SCFD1: variants seen among roughly 807,000 people sequenced by gnomAD.
SCFD1 encodes sec1 family domain containing 1.
SCFD1 carries 37 observed loss-of-function variants against 103.2 expected under a neutral mutation model. The observed-to-expected ratio is 0.36, with a 90% CI of 0.28 to 0.47. The LOEUF is 0.47. Ranked by LOEUF, SCFD1 falls within the 20% of genes least tolerant of loss-of-function variation. The probability of loss-of-function intolerance (pLI) is 1.00; values close to 1 mark genes in which losing one functional copy is unlikely to be tolerated. For synonymous variants in SCFD1, 264 were observed against 245.0 expected (o/e 1.08, Z -0.73); for missense variants, 639 against 761.2 (o/e 0.84, Z 1.89).
At position 30,721,908 on chromosome 14, in the gene SCFD1, A is replaced by G; in HGVS notation, c.1761A>G (p.Pro587=). ...GCTCAGTTCCCAGAAATAAAAATCC[A>G]TTCCAAGAGGTAAGTTTCATATAAA... ...NDSSVPRNKN[P]FQEAIVFVVG... Residue 587 remains proline (P), a synonymous_variant, in exon 22 of 25, where the codon CCA becomes CCG. Coordinates refer to ENST00000458591, the MANE Select transcript of SCFD1 (RefSeq NM_016106.4). 6.2e-7 allele frequency: 1 copy of G among 1,608,832 alleles called. No homozygotes were observed. The highest frequency in any genetic ancestry group is 8.5e-7 in the Non-Finnish European group (1 of 1,176,194).
In SCFD1 at chr14:30,643,317, C is replaced by G; in HGVS notation, c.525C>G (p.Ala175=). 1 of 1,603,100 alleles carries G rather than the reference C, an allele frequency of 6.2e-7. No homozygotes were observed. Among genetic ancestry groups the G allele is most frequent in the Non-Finnish European group, 8.5e-7 (1 of 1,170,246 alleles). The change falls in exon 7 of 25, where the codon GCC becomes GCG. Residue 175 remains alanine (A), a splice_region_variant and synonymous_variant. Coordinates refer to ENST00000458591, the MANE Select transcript of SCFD1 (RefSeq NM_016106.4). ...TCTCCTTTTCCTATGTCATTTTAGCCATTAACAGGCCAGATATCACAGACA... is the reference window on the plus strand; with the variant it reads ...TCTCCTTTTCCTATGTCATTTTAGCGATTAACAGGCCAGATATCACAGACA... ...NQNKELVSYR[A]INRPDITDTE...
chr14:30,629,187 T>C (rs962069205), intron 2 of SCFD1, among the ~76,000 whole-genome samples: 10 of 152,204 alleles, frequency 6.6e-5, no homozygotes, highest in Non-Finnish European at 1.3e-4. Flanking sequence ...CCATCACTTT[T>C]TATATCATTA....
chr14:30,676,553 G>A (rs2139232833), intron 14 of SCFD1: 1 of 152,316 alleles, frequency 6.6e-6, no homozygotes, highest in Middle Eastern at 3.4e-3. Flanking sequence ...ACAGAAAGGA[G>A]CCAATTAGTG....
In SCFD1 at chr14:30,715,916, T is replaced by A. The variant is rs1892249257; in HGVS notation, c.1630-8T>A. 2.0e-6 allele frequency: 3 copies of A among 1,509,106 alleles called. No individual in the cohort carries two copies. The highest frequency in any genetic ancestry group is 1.4e-5 in the African/African-American group (1 of 71,026). The allele number at this position is 1,509,106 out of a possible 1,614,324, so 93.5% of individuals were successfully genotyped here. ...TATTCTAATATTTAACAAAATACTT[T>A]TCCACAGAATCTACCTGTTACTCGT... On this transcript the variant is annotated splice_region_variant and splice_polypyrimidine_tract_variant and intron_variant, in intron 19 of 24. Transcript: ENST00000458591.
chr14:30,710,130 T>C (rs954679251), intron 19 of SCFD1, among the ~76,000 whole-genome samples: 1 of 152,168 alleles, frequency 6.6e-6, no homozygotes, highest in Non-Finnish European at 1.5e-5. Flanking sequence ...TTTATTGTGC[T>C]AACACAAAAG....
rs201134432 is a variant in SCFD1 at position 30,643,308 on chromosome 14, C to A, written c.524-8C>A. 3.8e-6 allele frequency: 6 copies of A among 1,589,002 alleles called. No individual in the cohort carries two copies. In the African/African-American group the frequency reaches 4.0e-5, roughly 11 times the overall value. On this transcript the variant is annotated splice_region_variant and splice_polypyrimidine_tract_variant and intron_variant, in intron 6 of 24. Coordinates refer to ENST00000458591, the MANE Select transcript of SCFD1 (RefSeq NM_016106.4). The stretch of plus-strand genomic sequence containing the variant: ...TCAACTTTTTCTCCTTTTCCTATGT[C>A]ATTTTAGCCATTAACAGGCCAGATA...
At chr14:30,634,971 A>G (rs1479324513) in intron 4 of SCFD1, 1 of 456,012 alleles carries the variant, frequency 2.2e-6, no homozygotes, top group Admixed American at 2.3e-5. Context: ...TAGATGAGTC[A>G]CCCCAAAGAA....
chr14:30,643,784 C>T, intron 7 of SCFD1: 1 of 303,624 alleles, frequency 3.3e-6, no homozygotes, highest in Non-Finnish European at 6.4e-6. Context: ...AGTTCAGATG[C>T]CCAAGGCTCC....
intron 11 of SCFD1, among the ~76,000 whole-genome samples, chr14:30,672,297 C>T (rs561527443): frequency 1.3e-5 from 2 of 152,254 alleles, no homozygotes; most frequent in East Asian, 3.9e-4. Flanking sequence ...TTTTTGCCAA[C>T]ATAGACTCAA....
chr14:30,697,561 G>A (rs755281674), intron 15 of SCFD1, among the ~76,000 whole-genome samples: 5 of 152,172 alleles, frequency 3.3e-5, no homozygotes, highest in East Asian at 1.9e-4. Flanking sequence ...CACAGTGAAC[G>A]TCGTCAGTAG....
chr14:30,625,595 T>G (rs1883310493), intron 1 of SCFD1, among the ~76,000 whole-genome samples: 3 of 71,878 alleles, frequency 4.2e-5, no homozygotes, highest in South Asian at 3.9e-4. Context: ...ACAAATCCTT[T>G]TTGTTATAGG....
At chr14:30,700,660 C>G (rs907083499) in intron 16 of SCFD1, among the ~76,000 whole-genome samples, 15 of 151,798 alleles carry the variant, frequency 9.9e-5, no homozygotes, top group Middle Eastern at 3.2e-3. Context: ...GGTGACAGAG[C>G]AATACTCCAT....
At chr14:30,624,336 G>C (rs1443235174) in intron 1 of SCFD1, among the ~76,000 whole-genome samples, 1 of 152,036 alleles carries the variant, frequency 6.6e-6, no homozygotes, top group South Asian at 2.1e-4. Flanking sequence ...CTCATCTAGC[G>C]CCTTAGCTTT....
chr14:30,639,016 T>A (rs1885011153), intron 5 of SCFD1, among the ~76,000 whole-genome samples: 1 of 152,236 alleles, frequency 6.6e-6, no homozygotes, highest in African/African-American at 2.4e-5. Flanking sequence ...TTAATCTTTG[T>A]GCTCAAAATT....
At chr14:30,643,011 A>C (rs536565114) in intron 6 of SCFD1, among the ~76,000 whole-genome samples, 2 of 152,172 alleles carry the variant, frequency 1.3e-5, no homozygotes, top group East Asian at 3.9e-4. Context: ...TCTCTACAAA[A>C]AAAATTGTTT....
At chr14:30,663,779 A>T (rs750105168) in intron 10 of SCFD1, among the ~76,000 whole-genome samples, 7 of 152,194 alleles carry the variant, frequency 4.6e-5, no homozygotes, top group Non-Finnish European at 1.0e-4. Context: ...CCTAGATTTT[A>T]ATCTTGATTC....
chr14:30,655,348 A>G (rs887675908), intron 10 of SCFD1, among the ~76,000 whole-genome samples: 12 of 152,150 alleles, frequency 7.9e-5, no homozygotes, highest in Admixed American at 5.9e-4. Flanking sequence ...GAGGCAGGGG[A>G]AGAGAAGCAG....
At chr14:30,646,886 T>A (rs1007933575) in intron 7 of SCFD1, among the ~76,000 whole-genome samples, 2 of 152,202 alleles carry the variant, frequency 1.3e-5, no homozygotes, top group Non-Finnish European at 2.9e-5. Context: ...TTAGGTTTTC[T>A]AGTTTGTGTT....
intron 3 of SCFD1, 109 bp downstream of exon 3, chr14:30,630,674 T>G (rs1594555455): frequency 2.1e-5 from 14 of 660,134 alleles, no homozygotes; most frequent in African/African-American, 5.6e-5. Flanking sequence ...TTTCCCTGTA[T>G]CTTCTTTATT....
Sources: allele counts gnomAD v4.1 joint callset (sites outside exome capture counted in the v4.1 genomes callset), GRCh38; gene constraint gnomAD v4.1.1; transcripts MANE v1.5; gene names NCBI Gene and HGNC (gene_info 2026-07-23, HGNC 2026-07-21).